FARP2: variants seen among roughly 807,000 people sequenced by gnomAD.
FARP2 encodes FERM, ARHGEF and pleckstrin domain-containing protein 2.
Under a neutral mutation model 130.5 loss-of-function variants are expected in FARP2, and 111 were observed. That is an observed-to-expected ratio of 0.85 (90% CI 0.73 to 1.00). The LOEUF is 1.00. FARP2 is among the 50% of genes least tolerant of loss of function. The probability of loss-of-function intolerance (pLI) is 0.00; values close to 1 mark genes in which losing one functional copy is unlikely to be tolerated. For synonymous variants in FARP2, 504 were observed against 516.9 expected (o/e 0.98, Z 0.34); for missense variants, 1,385 against 1,346.3 (o/e 1.03, Z -0.45).
chr2:241,386,067 C>T (rs990560289), intron 2 of FARP2, among the ~76,000 whole-genome samples: 6 of 152,118 alleles, frequency 3.9e-5, no homozygotes, highest in Non-Finnish European at 8.8e-5. Flanking sequence ...GGCTGGCTGC[C>T]TGATGTGCAT....
At chr2:241,493,985 C>CTGA (rs766054975) in intron 26 of FARP2, 23 bp from the exon 27 acceptor site, 2 of 1,344,218 alleles carry the variant, frequency 1.5e-6, no homozygotes, top group Admixed American at 2.9e-5. Flanking sequence ...GCTCACTGGT[C>CTGA]TGATGGCCGC....
chr2:241,460,876 G>C (rs13396918), intron 14 of FARP2, among the ~76,000 whole-genome samples: 3,082 of 152,202 alleles, frequency 0.02, 112 homozygotes, highest in African/African-American at 0.071. Flanking sequence ...GGACTCTGGC[G>C]GGGGAGGCAC....
intron 13 of FARP2, chr2:241,444,794 T>G (rs887664849): frequency 2.6e-5 from 4 of 152,218 alleles, no homozygotes; most frequent in African/African-American, 9.6e-5. Flanking sequence ...GTTTTTTATT[T>G]AGGAAGTTTT....
At position 241,441,518 on chromosome 2, in the gene FARP2, C is replaced by G; in HGVS notation, c.1373C>G (p.Ala458Gly). ...GCTGGAGGCCCCGACACACCATCGG[C>G]CCAGCCCCTCGGGCCCCCCGCACTC... ...AVAGGPDTPSAQPLGPPALQP... is the reference protein window; with the variant it reads ...AVAGGPDTPSGQPLGPPALQP... Residue 458 changes from alanine to glycine, a missense_variant, in exon 13 of 27, where the codon GCC becomes GGC. By Grantham distance (60) the Ala-to-Gly change is moderately conservative. Transcript: ENST00000264042. 6.2e-7 allele frequency: 1 copy of G among 1,614,120 alleles called. No individual in the cohort carries two copies. The highest frequency in any genetic ancestry group is 8.5e-7 in the Non-Finnish European group (1 of 1,180,036).
chr2:241,443,019 C>T lies in FARP2; in HGVS notation c.1411+1463C>T, dbSNP rs567311448. On this transcript the variant is annotated intron_variant, in intron 13 of 26. Coordinates refer to ENST00000264042, the MANE Select transcript of FARP2 (RefSeq NM_014808.4). ...CAAAACCTTGAGTATGCCTCTACAGCCCTAACCCTGGGAAAGATGGCCATA... is the reference window on the plus strand; with the variant it reads ...CAAAACCTTGAGTATGCCTCTACAGTCCTAACCCTGGGAAAGATGGCCATA... 7.6e-4 allele frequency: 157 copies of T among 205,650 alleles called. 1 individual carries two copies. The highest frequency in any genetic ancestry group is 1.4e-3 in the Non-Finnish European group (147 of 102,404). The allele number at this position is 205,650 out of a possible 1,614,324, so 12.7% of individuals were successfully genotyped here.
rs182878597 is a variant in FARP2, at chr2:241,424,009, G to A, written c.771+5900G>A. On this transcript the variant is annotated intron_variant, in intron 8 of 26. Coordinates refer to ENST00000264042, the MANE Select transcript of FARP2 (RefSeq NM_014808.4). ...CTTAGACTCCCACACAATAATAATA[G>A]GAGACTTTAACACCCCACTGACAAT... Among the ~76,000 whole-genome samples, 49 of 152,168 alleles carry A rather than the reference G, an allele frequency of 3.2e-4. No individual in the cohort carries two copies. In the East Asian group the frequency reaches 6.4e-3, roughly 20 times the overall value.
In FARP2 at chr2:241,491,115, A is replaced by T; in HGVS notation, c.2559A>T (p.Ala853=). The part of the protein sequence containing the change: ...WMLDLNSAIQ[A]AKSGGDTAPA... ...TGGACCTGAACTCCGCGATCCAAGC[A>T]GCCAAGAGTGGCGGTGACACGGCCC... Residue 853 remains alanine (A), a synonymous_variant, in exon 23 of 27, where the codon GCA becomes GCT. Coordinates refer to ENST00000264042, the MANE Select transcript of FARP2 (RefSeq NM_014808.4). The T allele has an allele frequency of 6.2e-7, 1 of 1,613,624 alleles. No homozygotes were observed. Among genetic ancestry groups the T allele is most frequent in the South Asian group, 1.1e-5 (1 of 91,088 alleles).
intron 2 of FARP2, among the ~76,000 whole-genome samples, chr2:241,381,627 G>T (rs978812295): frequency 6.6e-6 from 1 of 152,288 alleles, no homozygotes; most frequent in African/African-American, 2.4e-5. Flanking sequence ...ACGTAAGGAA[G>T]CTAATTCTAC....
Position 241,475,054 on chromosome 2 carries a change from A to G in FARP2, c.2132-803A>G, listed in dbSNP as rs2064421943. Among the ~76,000 whole-genome samples, 10 of 152,236 alleles carry G rather than the reference A, an allele frequency of 6.6e-5. No individual in the cohort carries two copies. Among genetic ancestry groups the G allele is most frequent in the Admixed American group, 6.5e-4 (10 of 15,290 alleles). ...ACTTTCTCTTATCTTTGCTTGAACT[A>G]TAAGATTAGCATCTGTTCCTGGTTA... On this transcript the variant is annotated intron_variant, in intron 18 of 26. Transcript: ENST00000264042. The surrounding 1 kb of genome is among the most constrained non-coding windows in gnomAD (Gnocchi z 4.4).
chr2:241,379,980 T>C (rs1486465510), intron 2 of FARP2, among the ~76,000 whole-genome samples: 1 of 152,214 alleles, frequency 6.6e-6, no homozygotes, highest in Non-Finnish European at 1.5e-5. Flanking sequence ...CCAGTGGTGA[T>C]GTTGGCACTC....
intron 1 of FARP2, among the ~76,000 whole-genome samples, chr2:241,371,342 G>A (rs2061420024): frequency 2.0e-5 from 3 of 152,212 alleles, no homozygotes; most frequent in Admixed American, 2.0e-4. Flanking sequence ...AAATTAGCTG[G>A]GTGTGATGGC....
In FARP2 at chr2:241,359,142, GTGT is replaced by G. The variant is rs2061128300; in HGVS notation, c.-25+2758_-25+2760del. 2.0e-5 allele frequency among the ~76,000 whole-genome samples: 3 copies of G among 152,218 alleles called. No homozygotes were observed. In the South Asian group the frequency reaches 6.2e-4, roughly 32 times the overall value. ...AAATGGTGTGTACACAGCAATCATA[GTGT>G]TGTAAAAATACATGAGGAGGTGAAC... On this transcript the variant is annotated intron_variant, in intron 1 of 26. Transcript: ENST00000264042.
At chr2:241,413,557 AGCT>A (rs1366770670) in intron 7 of FARP2, 136 bp downstream of exon 7, 13 of 657,812 alleles carry the variant, frequency 2.0e-5, no homozygotes, top group Non-Finnish European at 3.4e-5. Flanking sequence ...CAGGATGTGC[AGCT>A]GCTGCCAGAG....
At chr2:241,442,828 G>A (rs2150418945) in intron 13 of FARP2, 1 of 279,370 alleles carries the variant, frequency 3.6e-6, no homozygotes, top group Non-Finnish European at 7.0e-6. Flanking sequence ...TTTGATTCAA[G>A]TAAGAACTGG....
At chr2:241,491,013 C>G in intron 22 of FARP2, 48 bp from the exon 23 acceptor site, 1 of 1,452,092 alleles carries the variant, frequency 6.9e-7, no homozygotes, top group Non-Finnish European at 9.7e-7. Context: ...GGCTGGGGCC[C>G]TACACAAGGA....
intron 22 of FARP2, 97 bp from the exon 23 acceptor site, chr2:241,490,964 T>A (rs2124912198): frequency 1.1e-6 from 1 of 879,350 alleles, no homozygotes; most frequent in Non-Finnish European, 1.9e-6. Context: ...AAGCAGAATG[T>A]GAGAGAACAG....
chr2:241,383,668 AG>A (rs1381848763), intron 2 of FARP2, among the ~76,000 whole-genome samples: 6 of 152,108 alleles, frequency 3.9e-5, no homozygotes, highest in South Asian at 2.1e-4. Flanking sequence ...GAAGGGAGCA[AG>A]GGAGGTAGTG....
At chr2:241,427,254 T>C (rs1189386468) in intron 8 of FARP2, among the ~76,000 whole-genome samples, 1 of 148,168 alleles carries the variant, frequency 6.7e-6, no homozygotes, top group Non-Finnish European at 1.5e-5. Flanking sequence ...CACACACACA[T>C]ATATGTGTCT....
intron 19 of FARP2, among the ~76,000 whole-genome samples, chr2:241,480,439 C>T (rs553029217): frequency 5.9e-5 from 9 of 152,284 alleles, no homozygotes; most frequent in African/African-American, 1.9e-4. Flanking sequence ...AAGGCAGCCA[C>T]TGTGGGCCCT....
Sources: allele counts gnomAD v4.1 joint callset (sites outside exome capture counted in the v4.1 genomes callset), GRCh38; gene constraint gnomAD v4.1.1; non-coding constraint Gnocchi (gnomAD v3.1); transcripts MANE v1.5; gene names NCBI Gene and HGNC (gene_info 2026-07-23, HGNC 2026-07-21).